COL8A1: variants seen among roughly 807,000 people sequenced by gnomAD.
COL8A1 encodes the protein collagen type VIII alpha 1 chain.
COL8A1 carries 21 observed loss-of-function variants against 42.7 expected under a neutral mutation model. The observed-to-expected ratio is 0.49, with a 90% CI of 0.35 to 0.71. The LOEUF is 0.71. Among genes scored for constraint, COL8A1 ranks in the 30% least tolerant of loss-of-function variants. The pLI, the probability that COL8A1 is intolerant of heterozygous loss-of-function variation, is 0.01. For missense variants in COL8A1, 788 were observed against 962.4 expected (o/e 0.82, Z 2.40); for synonymous variants, 367 against 369.1 (o/e 0.99, Z 0.06).
At chr3:99,760,520 AT>A (rs886153878) in intron 2 of COL8A1, among the ~76,000 whole-genome samples, 2 of 152,190 alleles carry the variant, frequency 1.3e-5, no homozygotes, top group African/African-American at 4.8e-5. Context: ...ATAGATAGGA[AT>A]TTTTTTATTC....
intron 1 of COL8A1, among the ~76,000 whole-genome samples, chr3:99,698,175 C>A (rs1183067263): frequency 1.3e-5 from 2 of 152,180 alleles, no homozygotes; most frequent in African/African-American, 4.8e-5. Flanking sequence ...CATAGTATTC[C>A]ATGGTGTATA....
intron 1 of COL8A1, among the ~76,000 whole-genome samples, chr3:99,722,140 A>G (rs1940174123): frequency 6.6e-6 from 1 of 152,092 alleles, no homozygotes. Context: ...GAAATAAAGG[A>G]ATTACCTGCT....
chr3:99,798,612 ATATATATGTG>A lies in COL8A1; in HGVS notation c.*2478_*2487del, dbSNP rs1350631602. The stretch of plus-strand genomic sequence containing the variant: ...TTGTCACTCAATTGCCTATATATAT[ATATATATGTG>A]TGTGTGTGTGTGTGTGCGCGTGAGC... On this transcript the variant is annotated 3_prime_UTR_variant, in exon 4 of 4. Transcript: ENST00000652472. The A allele has an allele frequency of 2.3e-5, 2 of 86,380 alleles. No homozygotes were observed. Among genetic ancestry groups the A allele is most frequent in the Non-Finnish European group, 2.3e-5 (1 of 42,736 alleles). 5.4% of individuals were successfully genotyped at this position (86,380 alleles called of 1,614,324 possible).
chr3:99,757,194 ATAAAT>A lies in COL8A1; in HGVS notation c.-4+12176_-4+12180del, dbSNP rs533607861. Reference sequence around the variant, plus strand: ...AAATTGCTGAATTTAAAGGGGAAAAATAAATTAGACAGGAATCTTTTCTTTCTACT... The same window carrying A: ...AAATTGCTGAATTTAAAGGGGAAAAATAGACAGGAATCTTTTCTTTCTACT... On this transcript the variant is annotated intron_variant, in intron 2 of 3. Transcript: ENST00000652472. Among the ~76,000 whole-genome samples, 19 of 152,344 alleles carry A rather than the reference ATAAAT, an allele frequency of 1.2e-4. 2 individuals carry two copies. The South Asian group carries it at 3.9e-3, about 32-fold the overall frequency.
In COL8A1 at chr3:99,798,497, G is replaced by T. The variant is rs549036357; in HGVS notation, c.*2361G>T. 1 of 152,152 alleles carries T rather than the reference G, an allele frequency of 6.6e-6. No individual in the cohort carries two copies. The highest frequency in any genetic ancestry group is 1.9e-4 in the East Asian group (1 of 5,180). The allele number at this position is 152,152 out of a possible 1,614,324, so 9.4% of individuals were successfully genotyped here. ...ATTGTATTTATCTGTACATGTATGG[G>T]CTTTTAATTCCCACCAAGAAAGAGA... On this transcript the variant is annotated 3_prime_UTR_variant, in exon 4 of 4. Transcript: ENST00000652472.
chr3:99,699,616 ACT>A (rs1173498115), intron 1 of COL8A1, among the ~76,000 whole-genome samples: 7 of 152,180 alleles, frequency 4.6e-5, no homozygotes, highest in African/African-American at 9.7e-5. Flanking sequence ...GCTTTATTTT[ACT>A]CTCTCAAATA....
chr3:99,740,710 T>C (rs1255087308), intron 1 of COL8A1, among the ~76,000 whole-genome samples: 2 of 152,110 alleles, frequency 1.3e-5, no homozygotes, highest in Non-Finnish European at 2.9e-5. Context: ...CCAAACCATA[T>C]CACCAGGAAA....
At chr3:99,722,400 G>A (rs1436906787) in intron 1 of COL8A1, among the ~76,000 whole-genome samples, 2 of 152,086 alleles carry the variant, frequency 1.3e-5, no homozygotes, top group African/African-American at 4.8e-5. Flanking sequence ...CCACCAAGCT[G>A]TAAACTTACA....
At chr3:99,729,482 G>T (rs924701310) in intron 1 of COL8A1, among the ~76,000 whole-genome samples, 1 of 151,974 alleles carries the variant, frequency 6.6e-6, no homozygotes, top group African/African-American at 2.4e-5. Flanking sequence ...AAAAGAAAAG[G>T]AAAATTAAGG....
intron 1 of COL8A1, among the ~76,000 whole-genome samples, chr3:99,738,226 C>G (rs369524562): frequency 2.6e-5 from 4 of 152,170 alleles, no homozygotes; most frequent in African/African-American, 4.8e-5. Flanking sequence ...CTCTCAGCTC[C>G]TCAAAGTCAT....
At chr3:99,764,683 C>CT (rs1364069825) in intron 2 of COL8A1, among the ~76,000 whole-genome samples, 6 of 58,382 alleles carry the variant, frequency 1.0e-4, no homozygotes, top group East Asian at 5.8e-4. Flanking sequence ...GCAGATTTTT[C>CT]TTTTTTTTCT....
intron 1 of COL8A1, among the ~76,000 whole-genome samples, chr3:99,742,522 C>T (rs148070052): frequency 6.6e-6 from 1 of 152,276 alleles, no homozygotes; most frequent in African/African-American, 2.4e-5. Flanking sequence ...AAAAAAGTGT[C>T]ATCACATTAA....
intron 2 of COL8A1, among the ~76,000 whole-genome samples, chr3:99,746,140 C>A (rs986198438): frequency 6.6e-6 from 1 of 152,154 alleles, no homozygotes; most frequent in Non-Finnish European, 1.5e-5. Flanking sequence ...TTGACTGCAT[C>A]CTGTCTAGAA....
intron 2 of COL8A1, among the ~76,000 whole-genome samples, chr3:99,752,094 T>C (rs1030411691): frequency 2.0e-5 from 3 of 152,112 alleles, no homozygotes; most frequent in Non-Finnish European, 4.4e-5. Context: ...CCCCTGCAAA[T>C]AGATACTTAC....
chr3:99,753,753 A>T (rs1222638887), intron 2 of COL8A1, among the ~76,000 whole-genome samples: 1 of 152,240 alleles, frequency 6.6e-6, no homozygotes, highest in African/African-American at 2.4e-5. Context: ...GAAAATAAAT[A>T]CATATATAGT....
At chr3:99,709,326 T>C (rs984355917) in intron 1 of COL8A1, among the ~76,000 whole-genome samples, 4 of 152,142 alleles carry the variant, frequency 2.6e-5, no homozygotes, top group Non-Finnish European at 4.4e-5. Flanking sequence ...TGCTCTATAC[T>C]GAGTTCAGTC....
At chr3:99,782,209 T>C (rs1031163710) in intron 2 of COL8A1, among the ~76,000 whole-genome samples, 9 of 152,160 alleles carry the variant, frequency 5.9e-5, no homozygotes, top group Non-Finnish European at 1.3e-4. Context: ...TGGACAAGTA[T>C]AGCTTATTTG....
At chr3:99,705,524 C>T (rs1341817764) in intron 1 of COL8A1, among the ~76,000 whole-genome samples, 2 of 152,170 alleles carry the variant, frequency 1.3e-5, no homozygotes, top group South Asian at 2.1e-4. Flanking sequence ...TTATTTCTCT[C>T]CCTTTCTTTG....
At chr3:99,729,303 C>A (rs555629549) in intron 1 of COL8A1, among the ~76,000 whole-genome samples, 1 of 152,064 alleles carries the variant, frequency 6.6e-6, no homozygotes, top group African/African-American at 2.4e-5. Flanking sequence ...TTTCTCACAC[C>A]TACCTTCTTT....
Sources: allele counts gnomAD v4.1 joint callset (sites outside exome capture counted in the v4.1 genomes callset), GRCh38; gene constraint gnomAD v4.1.1; transcripts MANE v1.5; gene names NCBI Gene and HGNC (gene_info 2026-07-23, HGNC 2026-07-21).